The following KIF27 variants were observed in gnomAD, a reference collection of about 807,000 sequenced individuals.
KIF27 encodes kinesin-like protein KIF27.
In KIF27, 84 loss-of-function variants were observed where a neutral mutation model predicts 141.8. The ratio of observed to expected loss-of-function variants is 0.59; its 90% CI spans 0.50 to 0.71. The LOEUF is 0.71. KIF27 is among the 30% of genes least tolerant of loss of function. The probability of loss-of-function intolerance (pLI) is 0.00; values close to 1 mark genes in which losing one functional copy is unlikely to be tolerated. For synonymous variants in KIF27, 471 were observed against 569.5 expected (o/e 0.83, Z 2.46); for missense variants, 1,306 against 1,628.4 (o/e 0.80, Z 3.41).
chr9:83,862,273 T>C (rs1564325081), intron 13 of KIF27, among the ~76,000 whole-genome samples: 1 of 152,102 alleles, frequency 6.6e-6, no homozygotes, highest in African/African-American at 2.4e-5. Context: ...TGAATGGTAT[T>C]GCCTAGGTTT....
At chr9:83,838,182 T>G (rs1202861285) in intron 17 of KIF27, among the ~76,000 whole-genome samples, 6 of 152,016 alleles carry the variant, frequency 3.9e-5, no homozygotes, top group African/African-American at 7.2e-5. Flanking sequence ...AATGCCAACT[T>G]CAATATATTG....
chr9:83,907,036 A>AT (rs1954620655), intron 3 of KIF27, among the ~76,000 whole-genome samples: 1 of 151,952 alleles, frequency 6.6e-6, no homozygotes, highest in African/African-American at 2.4e-5. Flanking sequence ...CATGCCTGTA[A>AT]TCCCAGCACT....
At chr9:83,919,900 T>C (rs978693432) in intron 1 of KIF27, among the ~76,000 whole-genome samples, 2 of 151,068 alleles carry the variant, frequency 1.3e-5, no homozygotes, top group Admixed American at 1.3e-4. Flanking sequence ...AAGAATTTGG[T>C]TATAAAGGCA....
At chr9:83,882,675 A>G (rs1951780542) in intron 10 of KIF27, among the ~76,000 whole-genome samples, 1 of 152,028 alleles carries the variant, frequency 6.6e-6, no homozygotes, top group African/African-American at 2.4e-5. Flanking sequence ...GTTTCTTTTG[A>G]GGTAAAGTTC....
chr9:83,893,346 C>T (rs1414167976), intron 5 of KIF27, among the ~76,000 whole-genome samples: 1 of 152,084 alleles, frequency 6.6e-6, no homozygotes, highest in Non-Finnish European at 1.5e-5. Flanking sequence ...CCAATGACTG[C>T]AGAATGCATA....
At chr9:83,904,777 G>A (rs1322318160) in intron 3 of KIF27, among the ~76,000 whole-genome samples, 2 of 150,830 alleles carry the variant, frequency 1.3e-5, no homozygotes, top group African/African-American at 4.9e-5. Flanking sequence ...TTTTTTTTCA[G>A]TTTTGTTAAT....
intron 10 of KIF27, among the ~76,000 whole-genome samples, chr9:83,881,210 C>T (rs1264105063): frequency 1.3e-5 from 2 of 151,994 alleles, no homozygotes; most frequent in Non-Finnish European, 2.9e-5. Flanking sequence ...GTACAGATAG[C>T]ATTAGACTTT....
chr9:83,893,170 G>A (rs899422892), intron 5 of KIF27, among the ~76,000 whole-genome samples: 2 of 152,166 alleles, frequency 1.3e-5, no homozygotes, highest in Non-Finnish European at 1.5e-5. Flanking sequence ...CCAGGAGGTC[G>A]AGGCTACAGT....
intron 2 of KIF27, among the ~76,000 whole-genome samples, chr9:83,909,256 G>A (rs921473018): frequency 6.6e-6 from 1 of 152,206 alleles, no homozygotes; most frequent in Non-Finnish European, 1.5e-5. Context: ...GCCGAGAGAT[G>A]CTTGCAACTT....
rs536517029 is a variant in KIF27 at position 83,891,397 on chromosome 9, A to G, written c.1707T>C (p.Asp569=). Residue 569 remains aspartate, a synonymous_variant, in exon 6 of 18, where the codon GAT becomes GAC. Transcript: ENST00000297814. The part of the protein sequence containing the change: ...VTSSAKENCG[D]GPDARIPERR... ...TTTCAGGGATCCTGGCATCTGGCCC[A>G]TCTCCACAATTTTCTTTAGCTGAAG... 17 of 1,613,908 alleles carry G rather than the reference A, an allele frequency of 1.1e-5. No individual in the cohort carries two copies. Among genetic ancestry groups the G allele is most frequent in the Non-Finnish European group, 1.4e-5 (17 of 1,179,872 alleles).
At position 83,876,815 on chromosome 9, in the gene KIF27, T is replaced by C. The variant is rs550477245; in HGVS notation, c.2643+3482A>G. 4.8e-3 allele frequency among the ~76,000 whole-genome samples: 731 copies of C among 152,268 alleles called. 4 individuals are homozygous for C. Among genetic ancestry groups the C allele is most frequent in the Middle Eastern group, 0.014 (4 of 294 alleles). On this transcript the variant is annotated intron_variant, in intron 11 of 17. Transcript: ENST00000297814. ...TTGGGGCCAAGCATGGTGGCTCAGGTCTGTAATCCCAATACTTTGGGAGGC... is the reference window on the plus strand; with the variant it reads ...TTGGGGCCAAGCATGGTGGCTCAGGCCTGTAATCCCAATACTTTGGGAGGC...
intron 14 of KIF27, among the ~76,000 whole-genome samples, chr9:83,856,853 G>C (rs1949271233): frequency 6.7e-6 from 1 of 149,018 alleles, no homozygotes; most frequent in South Asian, 2.1e-4. Context: ...GAGGCAGTGA[G>C]CCGAGATCGC....
At chr9:83,846,301 G>A (rs1947266479) in intron 16 of KIF27, among the ~76,000 whole-genome samples, 1 of 152,192 alleles carries the variant, frequency 6.6e-6, no homozygotes, top group African/African-American at 2.4e-5. Flanking sequence ...TATCCTGCAC[G>A]CAATGCTTCT....
rs558273113 is a variant in KIF27, at chr9:83,842,930, C to T, written c.3557-529G>A. ...AGAGCCCTTAGTCACCTCCATCCTACCCCCTACCAACCCTCACACTTTCAT... is the reference window on the plus strand; with the variant it reads ...AGAGCCCTTAGTCACCTCCATCCTATCCCCTACCAACCCTCACACTTTCAT... On this transcript the variant is annotated intron_variant, in intron 16 of 17. Coordinates refer to ENST00000297814, the MANE Select transcript of KIF27 (RefSeq NM_017576.4). Among the ~76,000 whole-genome samples, 7 of 152,232 alleles carry T rather than the reference C, an allele frequency of 4.6e-5. No individual in the cohort carries two copies. The East Asian group carries it at 7.7e-4, about 17-fold the overall frequency.
chr9:83,915,607 A>C lies in KIF27; in HGVS notation c.-16T>G. ...TTTCTTCCATGGCAACTTAGATTTT[A>C]CTAAATAGATTTTCTATTTAATGTT... On this transcript the variant is annotated 5_prime_UTR_variant, in exon 2 of 18. Transcript: ENST00000297814. 7 of 1,570,662 alleles carry C rather than the reference A, an allele frequency of 4.5e-6. No individual in the cohort carries two copies. The highest frequency in any genetic ancestry group is 6.0e-6 in the Non-Finnish European group (7 of 1,160,500).
intron 16 of KIF27, among the ~76,000 whole-genome samples, chr9:83,844,634 A>T (rs7026905): frequency 6.6e-6 from 1 of 152,220 alleles, no homozygotes; most frequent in Non-Finnish European, 1.5e-5. Context: ...TTCACTGCTC[A>T]TGAGAGGCAA....
chr9:83,878,892 A>C (rs1171069468), intron 11 of KIF27, among the ~76,000 whole-genome samples: 4 of 151,414 alleles, frequency 2.6e-5, no homozygotes, highest in African/African-American at 4.9e-5. Context: ...AAAACAGTTA[A>C]AATGGGTTGG....
rs1485394107 is a variant in KIF27, at chr9:83,915,812, C to T, written c.-87-134G>A. The T allele has an allele frequency of 1.7e-5, 8 of 480,724 alleles. No individual in the cohort carries two copies. In the East Asian group the frequency reaches 2.5e-4, roughly 15 times the overall value. The allele number at this position is 480,724 out of a possible 1,614,324, so 29.8% of individuals were successfully genotyped here. On this transcript the variant is annotated intron_variant, in intron 1 of 17. Coordinates refer to ENST00000297814, the MANE Select transcript of KIF27 (RefSeq NM_017576.4). Reference sequence around the variant, plus strand: ...ACACAGTTACAAAGAGTAAGCCTGTCTTGTAAAATACATCGTAAATTTGTA... The same window carrying T: ...ACACAGTTACAAAGAGTAAGCCTGTTTTGTAAAATACATCGTAAATTTGTA...
intron 11 of KIF27, among the ~76,000 whole-genome samples, chr9:83,871,880 T>A (rs1365834781): frequency 6.6e-6 from 1 of 151,446 alleles, no homozygotes; most frequent in Non-Finnish European, 1.5e-5. Context: ...TTTTTATTTT[T>A]TAGGAGAGAC....
Sources: allele counts gnomAD v4.1 joint callset (sites outside exome capture counted in the v4.1 genomes callset), GRCh38; gene constraint gnomAD v4.1.1; transcripts MANE v1.5; gene names NCBI Gene and HGNC (gene_info 2026-07-23, HGNC 2026-07-21).